Variants in CEP41 observed in about 807,000 individuals in gnomAD.
CEP41 encodes the protein centrosomal protein of 41 kDa.
In CEP41, 32 loss-of-function variants were observed where a neutral mutation model predicts 44.3. The ratio of observed to expected loss-of-function variants is 0.72; its 90% CI spans 0.54 to 0.97. CEP41 has a LOEUF of 0.97. CEP41 is among the 50% of genes least tolerant of loss of function. CEP41 has a pLI of 0.00. For synonymous variants in CEP41, 151 were observed against 168.5 expected (o/e 0.90, Z 0.80); for missense variants, 432 against 455.2 (o/e 0.95, Z 0.46).
rs1796605000 is a variant in CEP41, at chr7:130,394,476, C to A, written c.*4415G>T. 2.2e-6 allele frequency: 1 copy of A among 454,066 alleles called. No individual in the cohort carries two copies. The highest frequency in any genetic ancestry group is 4.4e-6 in the Non-Finnish European group (1 of 226,788). The allele number at this position is 454,066 out of a possible 1,614,324, so 28.1% of individuals were successfully genotyped here. On this transcript the variant is annotated 3_prime_UTR_variant, in exon 11 of 11. Transcript: ENST00000223208. ...TTTGAAACAAAAGAGAAAACCTACT[C>A]TTAAGATGGGGGTGGTGTGTGACCT... is the stretch of plus-strand genomic sequence containing the variant.
intron 1 of CEP41, 152 bp downstream of exon 1, chr7:130,440,782 G>GCCCCCCCCCCC: frequency 1.9e-6 from 1 of 531,118 alleles, no homozygotes; most frequent in Non-Finnish European, 3.5e-6. Context: ...CCCAAGCCCG[G>GCCCCCCCCCCC]CCCGCCCCGC....
intron 2 of CEP41, among the ~76,000 whole-genome samples, chr7:130,424,323 C>T (rs987634264): frequency 1.3e-5 from 2 of 151,602 alleles, no homozygotes; most frequent in Admixed American, 1.3e-4. Flanking sequence ...CTGCTTGAGC[C>T]CAGGAAGTGG....
intron 2 of CEP41, among the ~76,000 whole-genome samples, chr7:130,424,123 A>G (rs2117657840): frequency 6.6e-6 from 1 of 152,330 alleles, no homozygotes; most frequent in Non-Finnish European, 1.5e-5. Flanking sequence ...AAGGCTGGGC[A>G]CTGTAGCTCA....
intron 1 of CEP41, among the ~76,000 whole-genome samples, chr7:130,429,698 T>C (rs1426464451): frequency 1.3e-5 from 2 of 152,244 alleles, no homozygotes; most frequent in Non-Finnish European, 2.9e-5. Flanking sequence ...TTTCCTTCAC[T>C]ACTCCTTGGG....
rs1233351949 is a variant in CEP41 at position 130,394,750 on chromosome 7, C to G, written c.*4141G>C. On this transcript the variant is annotated 3_prime_UTR_variant, in exon 11 of 11. Coordinates refer to ENST00000223208, the MANE Select transcript of CEP41 (RefSeq NM_018718.3). The stretch of plus-strand genomic sequence containing the variant: ...ATCCAAACTTCAATCTTGACAGGTT[C>G]AATTCATTTATTCATGAACACTTAT... The G allele has an allele frequency of 2.2e-6, 1 of 453,992 alleles. No homozygotes were observed. Among genetic ancestry groups the G allele is most frequent in the Non-Finnish European group, 4.4e-6 (1 of 226,796 alleles). The allele number at this position is 453,992 out of a possible 1,614,324, so 28.1% of individuals were successfully genotyped here. A position where few individuals can be genotyped will look rare whatever the true frequency, so the allele number is the denominator to read the frequency against.
upstream of CEP41, among the ~76,000 whole-genome samples, chr7:130,441,686 T>G (rs1798175120): frequency 6.6e-6 from 1 of 152,184 alleles, no homozygotes; most frequent in Admixed American, 6.5e-5. Flanking sequence ...GTAGGTCTTG[T>G]GGAGAATGGG....
At chr7:130,426,618 T>C (rs1412381707) in intron 2 of CEP41, 4 of 455,822 alleles carry the variant, frequency 8.8e-6, no homozygotes, top group African/African-American at 6.0e-5. Context: ...ATTTTAAATC[T>C]AGGTGCTTAC....
chr7:130,441,267 G>T, upstream of CEP41: 5 of 345,216 alleles, frequency 1.4e-5, no homozygotes, highest in East Asian at 7.8e-5. Flanking sequence ...GGGGGGAGGG[G>T]AAGGCTGGCG....
rs1050700461 is a variant in CEP41, at chr7:130,400,239, G to A, written c.773C>T (p.Ala258Val). ...FMLSGGLKVLAQKFPEGLITG... is the reference protein window; with the variant it reads ...FMLSGGLKVLVQKFPEGLITG... Reference sequence around the variant, plus strand: ...AATCAGTCCTTCCGGGAATTTCTGAGCTAAGACTTTTAGACCTAGGTTTGG... The same window carrying A: ...AATCAGTCCTTCCGGGAATTTCTGAACTAAGACTTTTAGACCTAGGTTTGG... Residue 258 changes from alanine (A) to valine (V), a missense_variant, in exon 10 of 11, where the codon GCT becomes GTT. By Grantham distance (64) the Ala-to-Val change is moderately conservative. Transcript: ENST00000223208. 3.7e-6 allele frequency: 6 copies of A among 1,613,510 alleles called. No individual in the cohort carries two copies. Among genetic ancestry groups the A allele is most frequent in the Non-Finnish European group, 8.5e-7 (1 of 1,179,520 alleles).
At chr7:130,426,097 G>C (rs1797653331) in intron 2 of CEP41, among the ~76,000 whole-genome samples, 1 of 152,218 alleles carries the variant, frequency 6.6e-6, no homozygotes, top group South Asian at 2.1e-4. Context: ...CAATATCACA[G>C]TTGTGATAGT....
chr7:130,424,846 T>TAAA (rs1336142051), intron 2 of CEP41, among the ~76,000 whole-genome samples: 9 of 152,204 alleles, frequency 5.9e-5, no homozygotes, highest in African/African-American at 2.2e-4. Flanking sequence ...GAAAAGCTGA[T>TAAA]AAAATGGACC....
At chr7:130,418,671 A>G (rs1244306751) in intron 2 of CEP41, among the ~76,000 whole-genome samples, 2 of 152,198 alleles carry the variant, frequency 1.3e-5, no homozygotes, top group African/African-American at 4.8e-5. Flanking sequence ...GTTAGTAACT[A>G]AGCCAGGATT....
At position 130,396,863 on chromosome 7, in the gene CEP41, A is replaced by G. The variant is rs1796677193; in HGVS notation, c.*2028T>C. 2.2e-6 allele frequency: 1 copy of G among 447,654 alleles called. No individual in the cohort carries two copies. Among genetic ancestry groups the G allele is most frequent in the Admixed American group, 2.4e-5 (1 of 41,718 alleles). 27.7% of individuals were successfully genotyped at this position (447,654 alleles called of 1,614,324 possible). On this transcript the variant is annotated 3_prime_UTR_variant, in exon 11 of 11. Coordinates refer to ENST00000223208, the MANE Select transcript of CEP41 (RefSeq NM_018718.3). ...AGGTCTGGCTGACCTGGCTTTCCACATATATACAGTGGTTTCTAATACTCC... is the reference window on the plus strand; with the variant it reads ...AGGTCTGGCTGACCTGGCTTTCCACGTATATACAGTGGTTTCTAATACTCC...
chr7:130,400,864 G>A, intron 8 of CEP41, 43 bp from the exon 9 acceptor site: 1 of 1,265,472 alleles, frequency 7.9e-7, no homozygotes, highest in South Asian at 1.2e-5. Flanking sequence ...CTGGGCTGAT[G>A]TCCCAAGACT....
chr7:130,437,764 CAAAAAAAAAAAAAAAA>C (rs1171735164), intron 1 of CEP41, among the ~76,000 whole-genome samples: 3 of 32,426 alleles, frequency 9.3e-5, no homozygotes, highest in African/African-American at 2.4e-4. Context: ...AAGACTGTCT[CAAAAAAAAAAAAAAAA>C]AAAAAAAAGA....
In CEP41 at chr7:130,400,828, G is replaced by A; in HGVS notation, c.643-7C>T. 1 of 1,575,548 alleles carries A rather than the reference G, an allele frequency of 6.3e-7. No individual in the cohort carries two copies. The highest frequency in any genetic ancestry group is 1.3e-5 in the African/African-American group (1 of 74,356). On this transcript the variant is annotated splice_polypyrimidine_tract_variant and splice_region_variant and intron_variant, in intron 8 of 10. Coordinates refer to ENST00000223208, the MANE Select transcript of CEP41 (RefSeq NM_018718.3). ...TCTTGCCATGGGCATTTTTCTAAGA[G>A]TCAGATGAGTTAAGGTTCCAAGGCA...
At chr7:130,423,153 G>A (rs782213083) in intron 2 of CEP41, among the ~76,000 whole-genome samples, 3 of 152,048 alleles carry the variant, frequency 2.0e-5, no homozygotes, top group Non-Finnish European at 4.4e-5. Context: ...TCACCGTATT[G>A]CCCAGGCTAG....
intron 5 of CEP41, among the ~76,000 whole-genome samples, chr7:130,408,675 A>G (rs189355808): frequency 6.8e-4 from 104 of 152,346 alleles, no homozygotes; most frequent in Non-Finnish European, 9.1e-4. Flanking sequence ...GAATGTGGCA[A>G]TCAGCACTGG....
At chr7:130,439,653 G>A (rs912159322) in intron 1 of CEP41, among the ~76,000 whole-genome samples, 14 of 152,042 alleles carry the variant, frequency 9.2e-5, no homozygotes, top group Non-Finnish European at 2.1e-4. Flanking sequence ...ATTGACCATG[G>A]CTCTCTTGCA....
Sources: gnomAD v4.1 joint callset for allele counts (sites outside exome capture counted in the v4.1 genomes callset) on GRCh38, gnomAD v4.1.1 for gene constraint, MANE v1.5 for transcripts, NCBI Gene and HGNC (gene_info 2026-07-23, HGNC 2026-07-21) for gene names.